Variants in NLGN1 observed in about 807,000 individuals in gnomAD.
NLGN1 encodes neuroligin-1.
Under a neutral mutation model 65.5 loss-of-function variants are expected in NLGN1, and 12 were observed. That is an observed-to-expected ratio of 0.18 (90% CI 0.12 to 0.30). The LOEUF (loss-of-function observed/expected upper bound fraction) is 0.30, where lower values mean the gene tolerates loss of function less well. Ranked by LOEUF, NLGN1 falls within the 10% of genes least tolerant of loss-of-function variation. The pLI, the probability that NLGN1 is intolerant of heterozygous loss-of-function variation, is 1.00. For synonymous variants in NLGN1, 350 were observed against 359.5 expected (o/e 0.97, Z 0.30); for missense variants, 750 against 1,007.1 (o/e 0.74, Z 3.46).
chr3:174,055,780 C>T (rs1735925490), intron 4 of NLGN1, among the ~76,000 whole-genome samples: 1 of 151,984 alleles, frequency 6.6e-6, no homozygotes, highest in Non-Finnish European at 1.5e-5. Flanking sequence ...CAATGCTTGG[C>T]ATATTACAAG....
At chr3:174,040,128 G>A (rs955797636) in intron 4 of NLGN1, among the ~76,000 whole-genome samples, 1 of 152,128 alleles carries the variant, frequency 6.6e-6, no homozygotes, top group African/African-American at 2.4e-5. Flanking sequence ...TTGACATACA[G>A]GTTGCCCCAT....
upstream of NLGN1, chr3:173,396,801 C>A (rs1310551271): frequency 6.6e-6 from 1 of 152,354 alleles, no homozygotes; most frequent in Non-Finnish European, 1.5e-5. Flanking sequence ...CCACCTTCCA[C>A]CCACCCTTCT....
At chr3:173,823,550 A>C (rs1204294248) in intron 4 of NLGN1, among the ~76,000 whole-genome samples, 1 of 152,090 alleles carries the variant, frequency 6.6e-6, no homozygotes, top group Non-Finnish European at 1.5e-5. Flanking sequence ...CCCACTAAAC[A>C]ATACAGTTGT....
At chr3:174,131,973 C>T (rs1720289930) in intron 4 of NLGN1, among the ~76,000 whole-genome samples, 1 of 152,188 alleles carries the variant, frequency 6.6e-6, no homozygotes, top group Non-Finnish European at 1.5e-5. Context: ...GCCTGCAGCT[C>T]AAACACTGGC....
chr3:173,400,733 G>T (rs1717525128), intron 1 of NLGN1, among the ~76,000 whole-genome samples: 1 of 152,164 alleles, frequency 6.6e-6, no homozygotes, highest in African/African-American at 2.4e-5. Context: ...ACTGCACAGT[G>T]AATTGCCAGA....
At chr3:173,415,326 A>AG (rs1459801534) in intron 1 of NLGN1, among the ~76,000 whole-genome samples, 1 of 152,148 alleles carries the variant, frequency 6.6e-6, no homozygotes, top group Non-Finnish European at 1.5e-5. Context: ...AGGAAGTAGG[A>AG]GGGGGGATAA....
At chr3:173,690,556 G>T (rs1331103675) in intron 3 of NLGN1, among the ~76,000 whole-genome samples, 1 of 152,006 alleles carries the variant, frequency 6.6e-6, no homozygotes, top group Non-Finnish European at 1.5e-5. Flanking sequence ...ATAGTGCTTT[G>T]CTCACAGTTA....
chr3:173,622,054 C>T (rs976892102), intron 3 of NLGN1, among the ~76,000 whole-genome samples: 5 of 152,158 alleles, frequency 3.3e-5, no homozygotes, highest in African/African-American at 4.8e-5. Context: ...ATACATCTTA[C>T]GCACTAAAAT....
At chr3:174,092,176 A>G (rs983144148) in intron 4 of NLGN1, among the ~76,000 whole-genome samples, 2 of 152,216 alleles carry the variant, frequency 1.3e-5, no homozygotes, top group Non-Finnish European at 2.9e-5. Flanking sequence ...CCAGAAACAG[A>G]TGACTCTTCA....
At chr3:174,214,428 T>A (rs1332209569) in intron 4 of NLGN1, among the ~76,000 whole-genome samples, 1 of 152,194 alleles carries the variant, frequency 6.6e-6, no homozygotes, top group Non-Finnish European at 1.5e-5. Context: ...AACAACAGTG[T>A]TCCCTATTAA....
intron 3 of NLGN1, among the ~76,000 whole-genome samples, chr3:173,668,613 T>A (rs555810581): frequency 7.0e-6 from 1 of 143,516 alleles, no homozygotes; most frequent in Non-Finnish European, 1.5e-5. Context: ...TTTTTACTTT[T>A]CTTTTCTTTT....
Position 173,775,986 on chromosome 3 carries a change from C to G in NLGN1, c.494-31694C>G, listed in dbSNP as rs2150292479. On this transcript the variant is annotated intron_variant, in intron 3 of 6. Coordinates refer to ENST00000457714, the Ensembl canonical transcript of NLGN1. ...CCAGATTTTCTACTGGAGTTCTTTA[C>G]TGTATATTATACACACTTTCTACTA... 1.3e-5 allele frequency among the ~76,000 whole-genome samples: 2 copies of G among 152,184 alleles called. 1 individual carries two copies. The highest frequency in any genetic ancestry group is 4.1e-4 in the South Asian group (2 of 4,832).
intron 3 of NLGN1, among the ~76,000 whole-genome samples, chr3:173,662,792 C>G (rs1211655672): frequency 6.6e-6 from 1 of 151,946 alleles, no homozygotes; most frequent in Non-Finnish European, 1.5e-5. Flanking sequence ...TACATAAAGA[C>G]TAGGAATGCT....
intron 4 of NLGN1, among the ~76,000 whole-genome samples, chr3:174,157,779 G>T (rs1211407458): frequency 6.6e-6 from 1 of 151,746 alleles, no homozygotes; most frequent in African/African-American, 2.4e-5. Flanking sequence ...AAAGAGTTCT[G>T]CAAGGAGATT....
intron 4 of NLGN1, among the ~76,000 whole-genome samples, chr3:174,001,785 G>T (rs1723340761): frequency 1.3e-5 from 2 of 152,140 alleles, no homozygotes; most frequent in South Asian, 4.1e-4. Context: ...GGATGATGAT[G>T]ATGATGTACA....
chr3:174,114,603 T>A (rs1413493001), intron 4 of NLGN1, among the ~76,000 whole-genome samples: 1 of 152,182 alleles, frequency 6.6e-6, no homozygotes, highest in East Asian at 1.9e-4. Context: ...TTTCTCTTTT[T>A]TCAGTATGTT....
chr3:173,727,912 C>A (rs1413476958), intron 3 of NLGN1, among the ~76,000 whole-genome samples: 1 of 151,982 alleles, frequency 6.6e-6, no homozygotes, highest in African/African-American at 2.4e-5. Context: ...CACTGAGTTG[C>A]AGAAGGAAGT....
At chr3:174,201,580 CT>C (rs1345410513) in intron 4 of NLGN1, among the ~76,000 whole-genome samples, 1 of 23,700 alleles carries the variant, frequency 4.2e-5, no homozygotes, top group African/African-American at 1.5e-4. Flanking sequence ...GCCTAGTGAT[CT>C]AGAAATTGCA....
At chr3:174,211,035 T>C (rs1014568435) in intron 4 of NLGN1, among the ~76,000 whole-genome samples, 3 of 152,162 alleles carry the variant, frequency 2.0e-5, no homozygotes, top group African/African-American at 7.2e-5. Flanking sequence ...TCCCTTCTGA[T>C]GTTCAGATGT....
Sources: allele counts gnomAD v4.1 joint callset (sites outside exome capture counted in the v4.1 genomes callset), GRCh38; gene constraint gnomAD v4.1.1; transcripts MANE v1.5; gene names NCBI Gene and HGNC (gene_info 2026-07-23, HGNC 2026-07-21).